The following MAD1L1 variants were observed in gnomAD, a reference collection of about 807,000 sequenced individuals.
The protein encoded by MAD1L1 is mitotic arrest deficient 1 like 1.
A neutral mutation model predicts 96.9 loss-of-function variants in MAD1L1; 95 were observed. That is an observed-to-expected ratio of 0.98 (90% CI 0.83 to 1.16). The LOEUF is 1.16. Ranked by LOEUF, MAD1L1 falls within the 50% of genes most tolerant of loss-of-function variation. The pLI is 0.00. For synonymous variants in MAD1L1, 473 were observed against 396.6 expected (o/e 1.19, Z -2.29); for missense variants, 1,007 against 954.4 (o/e 1.06, Z -0.73).
chr7:2,058,833 A>C (rs1784500911), intron 12 of MAD1L1, among the ~76,000 whole-genome samples: 2 of 101,804 alleles, frequency 2.0e-5, no homozygotes, highest in Admixed American at 2.0e-4. Flanking sequence ...AGAGGAGAGA[A>C]GCAGGGCTGG....
intron 18 of MAD1L1, among the ~76,000 whole-genome samples, chr7:1,819,234 T>C (rs1026063935): frequency 6.6e-6 from 1 of 152,188 alleles, no homozygotes; most frequent in Admixed American, 6.5e-5. Flanking sequence ...AAATTGCCAG[T>C]AAGACACGTT....
intron 14 of MAD1L1, among the ~76,000 whole-genome samples, chr7:1,983,132 ACGCGCG>A (rs141111007): frequency 0.016 from 2,331 of 144,820 alleles, 30 homozygotes; most frequent in Admixed American, 0.034. Flanking sequence ...ACACCCACAG[ACGCGCG>A]CGCGCGCGCG....
intron 17 of MAD1L1, among the ~76,000 whole-genome samples, chr7:1,907,796 C>T (rs6461003): frequency 0.079 from 12,023 of 152,310 alleles, 1,565 homozygotes; most frequent in African/African-American, 0.27. Context: ...TGGCTGTCTA[C>T]GGACATCACG....
At position 2,100,957 on chromosome 7, in the gene MAD1L1, A is replaced by G. The variant is rs1584321193; in HGVS notation, c.1074-31619T>C. Among the ~76,000 whole-genome samples, 5 of 152,200 alleles carry G rather than the reference A, an allele frequency of 3.3e-5. No individual in the cohort carries two copies. The East Asian group carries it at 9.6e-4, about 29-fold the overall frequency. On this transcript the variant is annotated intron_variant, in intron 11 of 18. Transcript: ENST00000265854. ...TTGACGTTGGTGTTAAAGTCGTATC[A>G]TTTCTGTAACAGTGCAGTTATTAAC...
At chr7:1,839,493 G>A (rs546195856) in intron 18 of MAD1L1, among the ~76,000 whole-genome samples, 2 of 152,208 alleles carry the variant, frequency 1.3e-5, no homozygotes, top group South Asian at 2.1e-4. Context: ...GTTCGCTTCC[G>A]AGTGGGGCTG....
chr7:1,860,106 C>T (rs1435384982), intron 18 of MAD1L1, among the ~76,000 whole-genome samples: 4 of 142,070 alleles, frequency 2.8e-5, no homozygotes, highest in African/African-American at 8.0e-5. Context: ...TCCTGCGGGG[C>T]GGCCTCTGTG....
At chr7:1,954,838 G>T (rs948866649) in intron 16 of MAD1L1, among the ~76,000 whole-genome samples, 1 of 152,110 alleles carries the variant, frequency 6.6e-6, no homozygotes, top group African/African-American at 2.4e-5. Flanking sequence ...CCCCCACCAC[G>T]GGATGGGAGG....
At chr7:1,956,523 C>A (rs996974330) in intron 16 of MAD1L1, among the ~76,000 whole-genome samples, 7 of 152,242 alleles carry the variant, frequency 4.6e-5, no homozygotes, top group African/African-American at 7.2e-5. Context: ...AATGGCCACA[C>A]TGGCCACACT....
chr7:1,846,627 G>A (rs916547305), intron 18 of MAD1L1: 2 of 156,546 alleles, frequency 1.3e-5, no homozygotes, highest in Non-Finnish European at 2.8e-5. Context: ...GGAAGGAAAG[G>A]GTGACCGAGT....
intron 14 of MAD1L1, among the ~76,000 whole-genome samples, chr7:1,985,017 G>A (rs191887749): frequency 1.3e-5 from 2 of 152,252 alleles, no homozygotes; most frequent in East Asian, 1.9e-4. Context: ...CCTATGTTGG[G>A]TGCCTAACTA....
At chr7:2,051,512 C>T (rs1195065237) in intron 12 of MAD1L1, among the ~76,000 whole-genome samples, 8 of 152,136 alleles carry the variant, frequency 5.3e-5, no homozygotes, top group African/African-American at 1.7e-4. Context: ...AGATCCAAGA[C>T]GTTTCAACGT....
At chr7:2,059,857 A>G (rs568717274) in intron 12 of MAD1L1, among the ~76,000 whole-genome samples, 1 of 152,280 alleles carries the variant, frequency 6.6e-6, no homozygotes, top group East Asian at 1.9e-4. Flanking sequence ...GAACACATAC[A>G]TAGAAGATCA....
intron 16 of MAD1L1, among the ~76,000 whole-genome samples, chr7:1,945,567 G>A (rs1779191946): frequency 1.3e-5 from 2 of 152,210 alleles, no homozygotes; most frequent in Admixed American, 6.5e-5. Flanking sequence ...AGGTGCTGCT[G>A]CTGCTGGGCC....
At chr7:1,994,880 CTG>C in intron 14 of MAD1L1, among the ~76,000 whole-genome samples, 1 of 152,194 alleles carries the variant, frequency 6.6e-6, no homozygotes, top group Non-Finnish European at 1.5e-5. Context: ...AGGTCTCACT[CTG>C]TTGCCCAGGC....
At chr7:2,092,852 T>C (rs1414048262) in intron 11 of MAD1L1, among the ~76,000 whole-genome samples, 2 of 152,160 alleles carry the variant, frequency 1.3e-5, no homozygotes, top group Non-Finnish European at 2.9e-5. Flanking sequence ...ACCTAAAAAC[T>C]CATCGTCCAA....
At chr7:1,856,457 C>T (rs879800956) in intron 18 of MAD1L1, among the ~76,000 whole-genome samples, 3 of 152,234 alleles carry the variant, frequency 2.0e-5, no homozygotes, top group Non-Finnish European at 2.9e-5. Flanking sequence ...GGAACCAGCG[C>T]GCGGAGCACC....
At chr7:1,927,480 G>A (rs900585133) in intron 17 of MAD1L1, among the ~76,000 whole-genome samples, 28 of 152,330 alleles carry the variant, frequency 1.8e-4, no homozygotes, top group Admixed American at 1.6e-3. Context: ...TAACAGCAAA[G>A]GAACAGACGC....
intron 5 of MAD1L1, chr7:2,220,937 C>T (rs1369717603): frequency 6.2e-7 from 1 of 1,612,338 alleles, no homozygotes; most frequent in Admixed American, 1.7e-5. Context: ...CCCACAGGGT[C>T]ACCCGTGTTG....
intron 16 of MAD1L1, among the ~76,000 whole-genome samples, chr7:1,937,724 G>A (rs1387592701): frequency 7.5e-4 from 34 of 45,242 alleles, no homozygotes; most frequent in African/African-American, 2.5e-3. Context: ...GGGTCACTGC[G>A]CACCCGAGAC....
Sources: allele counts gnomAD v4.1 joint callset (sites outside exome capture counted in the v4.1 genomes callset), GRCh38; gene constraint gnomAD v4.1.1; transcripts MANE v1.5; gene names NCBI Gene and HGNC (gene_info 2026-07-23, HGNC 2026-07-21).